WDR19: variants seen among roughly 807,000 people sequenced by gnomAD.
WDR19 encodes WD repeat-containing protein 19.
In WDR19, 121 loss-of-function variants were observed where a neutral mutation model predicts 180.0. That is an observed-to-expected ratio of 0.67 (90% CI 0.58 to 0.78). The LOEUF (loss-of-function observed/expected upper bound fraction) is 0.78. Ranked by LOEUF, WDR19 falls within the 30% of genes least tolerant of loss-of-function variation. The pLI is 0.00. For missense variants in WDR19, 1,450 were observed against 1,640.7 expected (o/e 0.88, Z 2.01); for synonymous variants, 497 against 540.7 (o/e 0.92, Z 1.12).
chr4:39,194,693 G>A, intron 5 of WDR19, 34 bp downstream of exon 5: 1 of 1,470,014 alleles, frequency 6.8e-7, no homozygotes, highest in Non-Finnish European at 9.4e-7. Context: ...CTAAATATTT[G>A]AGATGCTCTA....
chr4:39,187,686 T>C (rs1577827165), intron 3 of WDR19, among the ~76,000 whole-genome samples: 2 of 152,344 alleles, frequency 1.3e-5, no homozygotes, highest in Admixed American at 1.3e-4. Context: ...TATAATTATA[T>C]GTGAAGTGAA....
intron 5 of WDR19, 31 bp downstream of exon 5, chr4:39,194,690 T>G (rs748146181): frequency 1.4e-6 from 2 of 1,472,910 alleles, no homozygotes; most frequent in Admixed American, 3.7e-5. Flanking sequence ...CTGCTAAATA[T>G]TTGAGATGCT....
At chr4:39,183,577 A>C (rs1725203602) in intron 1 of WDR19, among the ~76,000 whole-genome samples, 1 of 152,170 alleles carries the variant, frequency 6.6e-6, no homozygotes. Context: ...ATTATTTTAG[A>C]TGTCCTCATG....
At chr4:39,208,030 T>C (rs1402583370) in intron 9 of WDR19, among the ~76,000 whole-genome samples, 1 of 152,094 alleles carries the variant, frequency 6.6e-6, no homozygotes, top group Non-Finnish European at 1.5e-5. Context: ...TGGCAAAATA[T>C]TGATTCTAAG....
At chr4:39,283,168 T>C (rs1736741260) in intron 36 of WDR19, among the ~76,000 whole-genome samples, 1 of 152,210 alleles carries the variant, frequency 6.6e-6, no homozygotes, top group Non-Finnish European at 1.5e-5. Flanking sequence ...GTGACAAATT[T>C]TGTCAAATGC....
At chr4:39,238,997 G>T (rs1021805543) in intron 20 of WDR19, among the ~76,000 whole-genome samples, 1 of 152,106 alleles carries the variant, frequency 6.6e-6, no homozygotes, top group Non-Finnish European at 1.5e-5. Flanking sequence ...TATTATTTGA[G>T]ATGGAGTCTC....
chr4:39,230,037 G>A (rs1252433344), intron 17 of WDR19, among the ~76,000 whole-genome samples: 2 of 152,134 alleles, frequency 1.3e-5, no homozygotes, highest in Non-Finnish European at 2.9e-5. Flanking sequence ...GCCTTGTAAC[G>A]ATCTCATCTG....
At chr4:39,192,492 C>T (rs1259030803) in intron 4 of WDR19, among the ~76,000 whole-genome samples, 8 of 151,962 alleles carry the variant, frequency 5.3e-5, no homozygotes, top group Non-Finnish European at 7.4e-5. Context: ...TTGTTTGGAA[C>T]GGAGGCTCCC....
chr4:39,281,565 T>C (rs1452735623), intron 36 of WDR19, among the ~76,000 whole-genome samples: 2 of 152,188 alleles, frequency 1.3e-5, no homozygotes, highest in African/African-American at 4.8e-5. Flanking sequence ...GCTGTTATTC[T>C]TTTTATCTTT....
At chr4:39,210,456 G>A (rs1159685354) in intron 9 of WDR19, among the ~76,000 whole-genome samples, 1 of 152,248 alleles carries the variant, frequency 6.6e-6, no homozygotes, top group Non-Finnish European at 1.5e-5. Context: ...GCTGAGCCAG[G>A]AGGATCACCT....
At position 39,285,316 on chromosome 4, in the gene WDR19, C is replaced by G. The variant is rs188438427; in HGVS notation, c.*14-171C>G. Reference sequence around the variant, plus strand: ...TTTTAGTCAGTTGGCAAGGCTAATACTGAAACTTGATGCGGATTACAGTCT... The same window carrying G: ...TTTTAGTCAGTTGGCAAGGCTAATAGTGAAACTTGATGCGGATTACAGTCT... On this transcript the variant is annotated intron_variant, in intron 36 of 36. Transcript: ENST00000399820. Among the ~76,000 whole-genome samples, 339 of 152,314 alleles carry G rather than the reference C, an allele frequency of 2.2e-3. 1 individual carries two copies. The highest frequency in any genetic ancestry group is 7.3e-3 in the African/African-American group (303 of 41,564).
chr4:39,253,854 TA>T, intron 25 of WDR19, 51 bp from the exon 26 acceptor site: 2 of 1,482,402 alleles, frequency 1.3e-6, no homozygotes, highest in African/African-American at 2.9e-5. Flanking sequence ...AAAAATTTTG[TA>T]AATCACAAAT....
At chr4:39,243,900 A>G (rs973857625) in intron 21 of WDR19, among the ~76,000 whole-genome samples, 7 of 152,204 alleles carry the variant, frequency 4.6e-5, no homozygotes, top group Non-Finnish European at 8.8e-5. Context: ...CTTCAATTTG[A>G]TAAATGGTTT....
At chr4:39,265,770 C>CAAAAA (rs11326526) in intron 28 of WDR19, among the ~76,000 whole-genome samples, 1 of 81,082 alleles carries the variant, frequency 1.2e-5, no homozygotes, top group African/African-American at 5.4e-5. Flanking sequence ...GACTCTGTCT[C>CAAAAA]AAAAAAAAAA....
At position 39,272,980 on chromosome 4, in the gene WDR19, A is replaced by C; in HGVS notation, c.3484A>C (p.Ile1162Leu). 1 of 1,594,086 alleles carries C rather than the reference A, an allele frequency of 6.3e-7. No homozygotes were observed. Among genetic ancestry groups the C allele is most frequent in the South Asian group, 1.1e-5 (1 of 87,004 alleles). ...GAGTAAAATATGTCATTTGTTTCAGATTCATGTTAAAAATGGAGATCACAT... is the reference window on the plus strand; with the variant it reads ...GAGTAAAATATGTCATTTGTTTCAGCTTCATGTTAAAAATGGAGATCACAT... ...MILHSYILVKIHVKNGDHMKG... is the reference protein window; with the variant it reads ...MILHSYILVKLHVKNGDHMKG... The change falls in exon 32 of 37, where the codon ATT becomes CTT. Residue 1162 changes from isoleucine (I) to leucine (L), a missense_variant and splice_region_variant. Transcript: ENST00000399820.
chr4:39,207,693 G>A (rs1272517629), intron 9 of WDR19, among the ~76,000 whole-genome samples: 1 of 152,168 alleles, frequency 6.6e-6, no homozygotes, highest in Non-Finnish European at 1.5e-5. Context: ...AGCATTTTTA[G>A]ATGAAGGAAA....
rs567290934 is a variant in WDR19, at chr4:39,282,597, C to T, written c.*14-2890C>T. On this transcript the variant is annotated intron_variant, in intron 36 of 36. Coordinates refer to ENST00000399820, the MANE Select transcript of WDR19 (RefSeq NM_025132.4). ...ATTTTTATTAGAGATGGGGTTTCAC[C>T]ATGTTGGCCAGGCTGGTCTTGAACT... 1.1e-4 allele frequency among the ~76,000 whole-genome samples: 17 copies of T among 152,190 alleles called. No individual in the cohort carries two copies. The East Asian group carries it at 3.3e-3, about 29-fold the overall frequency.
chr4:39,200,171 A>T (rs1360680186), intron 6 of WDR19, among the ~76,000 whole-genome samples: 1 of 152,256 alleles, frequency 6.6e-6, no homozygotes, highest in Non-Finnish European at 1.5e-5. Flanking sequence ...TAGTATTGCT[A>T]GAGCAATATT....
chr4:39,232,581 C>T (rs982370556), intron 19 of WDR19, among the ~76,000 whole-genome samples: 2 of 151,912 alleles, frequency 1.3e-5, no homozygotes, highest in Non-Finnish European at 2.9e-5. Flanking sequence ...GCCTGTAATC[C>T]CAGCTACTGT....
Sources: gnomAD v4.1 joint callset for allele counts (sites outside exome capture counted in the v4.1 genomes callset) on GRCh38, gnomAD v4.1.1 for gene constraint, MANE v1.5 for transcripts, NCBI Gene and HGNC (gene_info 2026-07-23, HGNC 2026-07-21) for gene names.